TEX22: variants seen among roughly 807,000 people sequenced by gnomAD.
The protein encoded by TEX22 is testis-expressed protein 22.
Under a neutral mutation model 11.3 loss-of-function variants are expected in TEX22, and 16 were observed. The observed-to-expected ratio is 1.42, with a 90% CI of 0.96 to 2.15. The LOEUF (loss-of-function observed/expected upper bound fraction) is 2.15. Ranked by LOEUF, TEX22 falls within the 30% of genes most tolerant of loss-of-function variation. TEX22 has a pLI of 0.00. For missense variants in TEX22, 220 were observed against 208.6 expected, an observed-to-expected ratio of 1.05 and a Z score of -0.34; for synonymous variants, 97 against 92.3, an observed-to-expected ratio of 1.05 and a Z score of -0.29.
At chr14:105,402,568 C>T (rs991910275) in intron 2 of TEX22, among the ~76,000 whole-genome samples, 19 of 151,832 alleles carry the variant, frequency 1.3e-4, no homozygotes, top group Admixed American at 9.2e-4. Flanking sequence ...TCCTGGCTAA[C>T]ACGGTGAAAC....
Position 105,399,290 on chromosome 14 carries a change from T to G in TEX22, c.-39-12T>G. 31 of 1,196,836 alleles carry G rather than the reference T, an allele frequency of 2.6e-5. No homozygotes were observed. Among genetic ancestry groups the G allele is most frequent in the Non-Finnish European group, 3.5e-5 (31 of 878,182 alleles). 74.1% of individuals were successfully genotyped at this position (1,196,836 alleles called of 1,614,324 possible). ...TGGGCCCCGCCCCACCTCCCCCTGC[T>G]CCTACCCCCAGATCTCAGAGGTGTG... On this transcript the variant is annotated splice_polypyrimidine_tract_variant and intron_variant, in intron 1 of 3. Coordinates refer to ENST00000451127, the MANE Select transcript of TEX22 (RefSeq NM_001195082.2).
intron 2 of TEX22, among the ~76,000 whole-genome samples, chr14:105,400,566 G>A (rs2081621397): frequency 2.0e-5 from 3 of 152,154 alleles, no homozygotes; most frequent in Non-Finnish European, 4.4e-5. Context: ...GATGCAGGAG[G>A]AGTGTGTATT....
At position 105,412,131 on chromosome 14, in the gene TEX22, G is replaced by A; in HGVS notation, c.*298G>A. ...CCTCGGGGCCGCTGGGAGGAGGCCT[G>A]GGGTACCTGGGCCTGCCTGAGGTGC... On this transcript the variant is annotated 3_prime_UTR_variant, in exon 4 of 4. Transcript: ENST00000451127. This position sits in a 1 kb window ranked among gnomAD's most constrained non-coding sequence, Gnocchi z 5.8. The A allele has an allele frequency of 3.5e-6, 1 of 283,612 alleles. No homozygotes were observed. Among genetic ancestry groups the A allele is most frequent in the Non-Finnish European group, 6.6e-6 (1 of 151,720 alleles). The allele number at this position is 283,612 out of a possible 1,614,324, so 17.6% of individuals were successfully genotyped here. A position where few individuals can be genotyped will look rare whatever the true frequency, so the allele number is the denominator to read the frequency against.
At chr14:105,405,883 G>T (rs28678492) in intron 2 of TEX22, among the ~76,000 whole-genome samples, 6,116 of 152,302 alleles carry the variant, frequency 0.04, 397 homozygotes, top group African/African-American at 0.14. Context: ...GCAAGGCCTG[G>T]CTTGTCCGCA....
chr14:105,403,617 G>A (rs1418537102), intron 2 of TEX22, among the ~76,000 whole-genome samples: 3 of 152,184 alleles, frequency 2.0e-5, no homozygotes, highest in Admixed American at 1.3e-4. Context: ...CAGAGATGGG[G>A]TCTTACTGTG....
intron 2 of TEX22, among the ~76,000 whole-genome samples, chr14:105,408,348 TCTC>T (rs1555419020): frequency 6.6e-6 from 1 of 151,898 alleles, no homozygotes; most frequent in Non-Finnish European, 1.5e-5. Flanking sequence ...TTCAAGTGGT[TCTC>T]CTGCCTCAGC....
At chr14:105,409,145 G>A (rs587743534) in intron 2 of TEX22, among the ~76,000 whole-genome samples, 1 of 151,794 alleles carries the variant, frequency 6.6e-6, no homozygotes, top group Non-Finnish European at 1.5e-5. Context: ...CAGCTGGCAG[G>A]GCCACTGAGT....
At chr14:105,403,911 C>T (rs1453754330) in intron 2 of TEX22, among the ~76,000 whole-genome samples, 1 of 152,232 alleles carries the variant, frequency 6.6e-6, no homozygotes, top group East Asian at 1.9e-4. Flanking sequence ...TCTCTAACTC[C>T]TGGCCTTCCT....
chr14:105,404,767 C>G (rs2081650236), intron 2 of TEX22, among the ~76,000 whole-genome samples: 1 of 152,020 alleles, frequency 6.6e-6, no homozygotes, highest in South Asian at 2.1e-4. Flanking sequence ...AGAATTTGCC[C>G]CCAGCACACT....
Position 105,399,294 on chromosome 14 carries a change from A to AAC in TEX22, c.-39-8_-39-7insAC. 4.9e-6 allele frequency: 7 copies of AAC among 1,443,194 alleles called. No homozygotes were observed. The highest frequency in any genetic ancestry group is 2.6e-5 in the East Asian group (1 of 38,278). The allele number at this position is 1,443,194 out of a possible 1,614,324, so 89.4% of individuals were successfully genotyped here. On this transcript the variant is annotated splice_region_variant and splice_polypyrimidine_tract_variant and intron_variant, in intron 1 of 3. Coordinates refer to ENST00000451127, the MANE Select transcript of TEX22 (RefSeq NM_001195082.2). ...CCCCGCCCCACCTCCCCCTGCTCCT[A>AAC]CCCCCAGATCTCAGAGGTGTGGACA...
chr14:105,404,521 G>T (rs1555418737), intron 2 of TEX22, among the ~76,000 whole-genome samples: 1 of 152,134 alleles, frequency 6.6e-6, no homozygotes, highest in Non-Finnish European at 1.5e-5. Context: ...TAGTCTATAC[G>T]CTTTAAGAAA....
At chr14:105,405,384 A>G (rs1358220208) in intron 2 of TEX22, among the ~76,000 whole-genome samples, 2 of 152,330 alleles carry the variant, frequency 1.3e-5, no homozygotes, top group African/African-American at 4.8e-5. Flanking sequence ...AGGAGATACG[A>G]TGGCAGATAG....
At chr14:105,409,185 T>C (rs28541433) in intron 2 of TEX22, among the ~76,000 whole-genome samples, 16,828 of 151,578 alleles carry the variant, frequency 0.11, 3,131 homozygotes, top group African/African-American at 0.38. Context: ...CCCCTCCCCC[T>C]ACAATCCGCC....
intron 2 of TEX22, among the ~76,000 whole-genome samples, chr14:105,400,400 G>A (rs2081620581): frequency 6.6e-6 from 1 of 152,210 alleles, no homozygotes; most frequent in African/African-American, 2.4e-5. Flanking sequence ...AGTGGCTTTT[G>A]GGAGGCGAAC....
Position 105,399,430 on chromosome 14 carries a change from A to G in TEX22, c.90A>G (p.Ala30=), listed in dbSNP as rs1555418136. The G allele has an allele frequency of 6.5e-7, 1 of 1,535,820 alleles. No individual in the cohort carries two copies. The change falls in exon 2 of 4, where the codon GCA becomes GCG. Residue 30 remains alanine, a synonymous_variant. Coordinates refer to ENST00000451127, the MANE Select transcript of TEX22 (RefSeq NM_001195082.2). The part of the protein sequence containing the change: ...EHRRPPLGLI[A]AWGQPSIQSS... ...GGCGGCCCCCACTGGGCCTGATAGC[A>G]GCCTGGGGCCAGCCCAGTATCCAGA...
rs587624807 is a variant in TEX22, at chr14:105,408,760, G to A, written c.151-2608G>A. Among the ~76,000 whole-genome samples the A allele has an allele frequency of 4.6e-5, 7 of 152,124 alleles. No homozygotes were observed. The South Asian group carries it at 1.5e-3, about 32-fold the overall frequency. ...TTTTCATTCCTCTGTCTTGCATTCT[G>A]TCCATGCCCCACCGCAGAGACGAAG... On this transcript the variant is annotated intron_variant, in intron 2 of 3. Coordinates refer to ENST00000451127, the MANE Select transcript of TEX22 (RefSeq NM_001195082.2).
chr14:105,408,615 G>C (rs1408225224), intron 2 of TEX22, among the ~76,000 whole-genome samples: 2 of 152,086 alleles, frequency 1.3e-5, no homozygotes, highest in Admixed American at 6.5e-5. Flanking sequence ...GTAGAAACAG[G>C]GTTTCGCCAT....
chr14:105,411,741 G>T lies in TEX22; in HGVS notation c.361G>T (p.Glu121Ter). 6.6e-7 allele frequency: 1 copy of T among 1,519,784 alleles called. No homozygotes were observed. Among genetic ancestry groups the T allele is most frequent in the East Asian group, 2.6e-5 (1 of 38,032 alleles). The allele number at this position is 1,519,784 out of a possible 1,614,324, so 94.1% of individuals were successfully genotyped here. The part of the protein sequence containing the change: ...VLLPHPLRST[E>*]STNAFQAFLA... ...CCTTCCCCACCCGCTGAGGTCCACC[G>T]AGTCCACCAACGCCTTCCAGGCCTT... Residue 121 changes from glutamate to a stop codon, truncating the protein, a stop_gained, in exon 4 of 4, where the codon GAG (glutamate) becomes TAG (stop). Coordinates refer to ENST00000451127, the MANE Select transcript of TEX22 (RefSeq NM_001195082.2). LOFTEE classifies it low-confidence loss of function (END_TRUNC).
In TEX22 at chr14:105,411,678, G is replaced by A; in HGVS notation, c.298G>A (p.Ala100Thr). The part of the protein sequence containing the change: ...LHCRDVVQMV[A>T]QLVSEDVDKD... ...CCCGCAGGACGTCGTGCAGATGGTA[G>A]CCCAGCTGGTGTCGGAGGACGTGGA... The change falls in exon 4 of 4, where the codon GCC (alanine) becomes ACC (threonine). Residue 100 changes from alanine to threonine, a missense_variant. Transcript: ENST00000451127. 2 of 1,531,250 alleles carry A rather than the reference G, an allele frequency of 1.3e-6. No individual in the cohort carries two copies. Among genetic ancestry groups the A allele is most frequent in the Non-Finnish European group, 1.7e-6 (2 of 1,144,506 alleles). 94.9% of individuals were successfully genotyped at this position (1,531,250 alleles called of 1,614,324 possible).
Sources: allele counts gnomAD v4.1 joint callset (sites outside exome capture counted in the v4.1 genomes callset), GRCh38; gene constraint gnomAD v4.1.1; non-coding constraint Gnocchi (gnomAD v3.1); transcripts MANE v1.5; gene names NCBI Gene and HGNC (gene_info 2026-07-23, HGNC 2026-07-21).